SWAP70: variants seen among roughly 807,000 people sequenced by gnomAD.
SWAP70 encodes switch-associated protein 70.
Under a neutral mutation model 80.2 loss-of-function variants are expected in SWAP70, and 34 were observed. The ratio of observed to expected loss-of-function variants is 0.42; its 90% confidence interval spans 0.32 to 0.56. SWAP70 has a LOEUF of 0.56. Among genes scored for constraint, SWAP70 ranks in the 20% least tolerant of loss-of-function variants. SWAP70 has a pLI of 0.09. For missense variants in SWAP70, 578 were observed against 690.7 expected (o/e 0.84, Z 1.83); for synonymous variants, 239 against 238.5 (o/e 1.00, Z -0.02).
intron 1 of SWAP70, among the ~76,000 whole-genome samples, chr11:9,671,296 T>A (rs1355336132): frequency 1.1e-5 from 1 of 94,936 alleles, no homozygotes; most frequent in East Asian, 3.2e-4. Flanking sequence ...TAAAAATATA[T>A]AAAATATATT....
intron 3 of SWAP70, among the ~76,000 whole-genome samples, chr11:9,717,499 G>A (rs1324190823): frequency 6.6e-6 from 1 of 152,026 alleles, no homozygotes; most frequent in African/African-American, 2.4e-5. Flanking sequence ...GCTGGGCATG[G>A]TGGTGTGCAC....
rs969685524 is a variant in SWAP70 at position 9,732,765 on chromosome 11, C to T, written c.1080+55C>T. On this transcript the variant is annotated intron_variant, in intron 7 of 11. Transcript: ENST00000318950. ...CCCTTCATTCCCCTGCAGAAGCCATCGTGCCTTGCTTAGGGGTGTTGGTTC... is the reference window on the plus strand; with the variant it reads ...CCCTTCATTCCCCTGCAGAAGCCATTGTGCCTTGCTTAGGGGTGTTGGTTC... The T allele has an allele frequency of 8.8e-6, 13 of 1,473,386 alleles. No individual in the cohort carries two copies. In the South Asian group the frequency reaches 1.1e-4, roughly 12 times the overall value. 91.3% of individuals were successfully genotyped at this position (1,473,386 alleles called of 1,614,324 possible). A position where few individuals can be genotyped will look rare whatever the true frequency, so the allele number is the denominator to read the frequency against.
chr11:9,713,049 A>G (rs1302507863), intron 2 of SWAP70, among the ~76,000 whole-genome samples: 1 of 152,212 alleles, frequency 6.6e-6, no homozygotes, highest in African/African-American at 2.4e-5. Context: ...GCTCATACTG[A>G]GTAATTGACA....
At chr11:9,743,324 A>G (rs1412425434) in intron 9 of SWAP70, among the ~76,000 whole-genome samples, 3 of 151,418 alleles carry the variant, frequency 2.0e-5, no homozygotes, top group Non-Finnish European at 4.4e-5. Context: ...GTTGATTCCA[A>G]GTCTTTGCTA....
intron 11 of SWAP70, 117 bp downstream of exon 11, chr11:9,749,300 G>T (rs1266992384): frequency 4.9e-6 from 2 of 406,658 alleles, no homozygotes; most frequent in Non-Finnish European, 7.0e-6. Flanking sequence ...TGGATGGAGT[G>T]CAGTGGTGCG....
intron 2 of SWAP70, among the ~76,000 whole-genome samples, chr11:9,694,523 ACT>A (rs1185140051): frequency 6.6e-6 from 1 of 152,182 alleles, no homozygotes; most frequent in African/African-American, 2.4e-5. Context: ...GAAATTAAGA[ACT>A]GTGTTTTGTG....
chr11:9,738,146 C>T (rs1209159188), intron 7 of SWAP70, 67 bp from the exon 8 acceptor site: 3 of 1,069,772 alleles, frequency 2.8e-6, no homozygotes, highest in Non-Finnish European at 2.6e-6. Flanking sequence ...GTATGACTGT[C>T]TCTCTCTCTT....
At chr11:9,672,193 G>GTA (rs1427255406) in intron 1 of SWAP70, among the ~76,000 whole-genome samples, 30 of 18,882 alleles carry the variant, frequency 1.6e-3, no homozygotes, top group South Asian at 7.1e-3. Flanking sequence ...ATATGTGTGT[G>GTA]TCTATATATA....
chr11:9,728,003 C>G, intron 4 of SWAP70, 50 bp from the exon 5 acceptor site: 2 of 1,276,120 alleles, frequency 1.6e-6, no homozygotes, highest in South Asian at 1.4e-5. Context: ...GAGATGTCAG[C>G]TCTTACAAAT....
intron 1 of SWAP70, among the ~76,000 whole-genome samples, chr11:9,670,229 G>A (rs1202657087): frequency 6.6e-6 from 1 of 152,136 alleles, no homozygotes; most frequent in Non-Finnish European, 1.5e-5. Context: ...GTGGGTCAAG[G>A]TATGAGCCTT....
chr11:9,727,108 T>C (rs1851235161), intron 4 of SWAP70, among the ~76,000 whole-genome samples: 1 of 152,204 alleles, frequency 6.6e-6, no homozygotes, highest in Admixed American at 6.5e-5. Flanking sequence ...TTAAAAATTT[T>C]GGCTGGACGT....
chr11:9,724,829 G>A lies in SWAP70; in HGVS notation c.586G>A (p.Val196Met), dbSNP rs1851186748. 6.2e-7 allele frequency: 1 copy of A among 1,614,042 alleles called. No homozygotes were observed. Among genetic ancestry groups the A allele is most frequent in the African/African-American group, 1.3e-5 (1 of 75,020 alleles). ...QFSKGMDRQT[V>M]SMAINEVFNE... ...TAGCAAAGGCATGGACCGGCAGACT[G>A]TGTCTATGGCAATTAATGAAGTCTT... Residue 196 changes from valine to methionine, a missense_variant, in exon 4 of 12, where the codon GTG becomes ATG. Physicochemically the swap from Val to Met is conservative, Grantham distance 21. Coordinates refer to ENST00000318950, the MANE Select transcript of SWAP70 (RefSeq NM_015055.4).
rs893850742 is a variant in SWAP70, at chr11:9,751,285, A to G, written c.*1315A>G. On this transcript the variant is annotated 3_prime_UTR_variant, in exon 12 of 12. Coordinates refer to ENST00000318950, the MANE Select transcript of SWAP70 (RefSeq NM_015055.4). ...GGTGACAACGGAGGAAATATCCAAC[A>G]GAAATACGTCTAACAGGGAAATTGG... is the stretch of plus-strand genomic sequence containing the variant. The G allele has an allele frequency of 2.2e-4, 34 of 152,238 alleles. No individual in the cohort carries two copies. Among genetic ancestry groups the G allele is most frequent in the African/African-American group, 8.2e-4 (34 of 41,456 alleles). The allele number at this position is 152,238 out of a possible 1,614,324, so 9.4% of individuals were successfully genotyped here. A position where few individuals can be genotyped will look rare whatever the true frequency, so the allele number is the denominator to read the frequency against.
At chr11:9,676,221 G>C (rs921602041) in intron 1 of SWAP70, among the ~76,000 whole-genome samples, 1 of 152,212 alleles carries the variant, frequency 6.6e-6, no homozygotes, top group African/African-American at 2.4e-5. Context: ...TGTGTTAACT[G>C]ATGGTAGACT....
At chr11:9,671,521 TAA>T (rs1850389528) in intron 1 of SWAP70, among the ~76,000 whole-genome samples, 2 of 69,872 alleles carry the variant, frequency 2.9e-5, no homozygotes, top group African/African-American at 4.7e-5. Context: ...AATATATATA[TAA>T]ATATATAAAT....
chr11:9,678,367 G>A (rs1850526148), intron 1 of SWAP70, among the ~76,000 whole-genome samples: 1 of 151,594 alleles, frequency 6.6e-6, no homozygotes, highest in Non-Finnish European at 1.5e-5. Flanking sequence ...TAAATAAAGA[G>A]AAAATTACAC....
At chr11:9,733,374 ACT>A (rs1338565618) in intron 7 of SWAP70, among the ~76,000 whole-genome samples, 1 of 151,904 alleles carries the variant, frequency 6.6e-6, no homozygotes, top group East Asian at 1.9e-4. Flanking sequence ...AAGCTCAAGG[ACT>A]CTTTCATGCA....
At chr11:9,712,884 A>T (rs891948607) in intron 2 of SWAP70, among the ~76,000 whole-genome samples, 2 of 146,876 alleles carry the variant, frequency 1.4e-5, no homozygotes, top group Admixed American at 6.7e-5. Context: ...TTTACTAGAG[A>T]TGGGGTTTCT....
chr11:9,732,911 G>C (rs150418047), intron 7 of SWAP70, among the ~76,000 whole-genome samples: 1 of 152,080 alleles, frequency 6.6e-6, no homozygotes, highest in East Asian at 1.9e-4. Flanking sequence ...TGTTGATCTC[G>C]GCAGCAAAAA....
Sources: gnomAD v4.1 joint callset for allele counts (sites outside exome capture counted in the v4.1 genomes callset) on GRCh38, gnomAD v4.1.1 for gene constraint, MANE v1.5 for transcripts, NCBI Gene and HGNC (gene_info 2026-07-23, HGNC 2026-07-21) for gene names.